The following ARHGAP22 variants were observed in gnomAD, a reference collection of about 807,000 sequenced individuals.
The protein encoded by ARHGAP22 is Rho GTPase activating protein 22.
In ARHGAP22, 48 loss-of-function variants were observed where a neutral mutation model predicts 59.1. That is an observed-to-expected ratio of 0.81 (90% CI 0.64 to 1.03). The LOEUF is 1.03. Ranked by LOEUF, ARHGAP22 falls within the 50% of genes least tolerant of loss-of-function variation. ARHGAP22 has a pLI of 0.00. For synonymous variants in ARHGAP22, 445 were observed against 416.4 expected (o/e 1.07, Z -0.84); for missense variants, 1,015 against 958.7 (o/e 1.06, Z -0.78).
intron 3 of ARHGAP22, among the ~76,000 whole-genome samples, chr10:48,527,921 C>T (rs1018300724): frequency 6.6e-6 from 1 of 152,190 alleles, no homozygotes; most frequent in Admixed American, 6.5e-5. Context: ...AGAGATAGAA[C>T]CAGGGGGTGG....
At chr10:48,502,918 T>G (rs535411533) in intron 3 of ARHGAP22, among the ~76,000 whole-genome samples, 1 of 152,188 alleles carries the variant, frequency 6.6e-6, no homozygotes, top group African/African-American at 2.4e-5. Context: ...AAGCAGTCAA[T>G]GCTAGGAAGG....
At chr10:48,454,965 G>C (rs757241600) in intron 6 of ARHGAP22, 37 bp downstream of exon 6, 2 of 1,539,312 alleles carry the variant, frequency 1.3e-6, no homozygotes, top group Admixed American at 3.8e-5. Context: ...CACCCAGCCA[G>C]CCCATCTCCC....
chr10:48,548,625 C>A (rs572364359), intron 3 of ARHGAP22, among the ~76,000 whole-genome samples: 3 of 152,228 alleles, frequency 2.0e-5, no homozygotes, highest in Non-Finnish European at 4.4e-5. Context: ...CTCCACTCCC[C>A]ACCCGCTCCT....
chr10:48,650,207 T>G (rs897082455), intron 1 of ARHGAP22, among the ~76,000 whole-genome samples: 3 of 151,372 alleles, frequency 2.0e-5, no homozygotes, highest in African/African-American at 7.3e-5. Context: ...AGTCCATTTT[T>G]AGAGTTGTCA....
At chr10:48,586,394 G>A (rs1329023455) in intron 1 of ARHGAP22, among the ~76,000 whole-genome samples, 1 of 152,188 alleles carries the variant, frequency 6.6e-6, no homozygotes, top group African/African-American at 2.4e-5. Context: ...ACTGCAGAGT[G>A]CTTAGACGTA....
chr10:48,435,239 A>ATT, the ARHGAP22 span: 11 of 439,692 alleles, frequency 2.5e-5, no homozygotes, highest in Admixed American at 1.6e-4. Flanking sequence ...ACTGTATTGT[A>ATT]TTTTTTTTGC....
At chr10:48,500,706 G>C (rs898875004) in intron 3 of ARHGAP22, among the ~76,000 whole-genome samples, 2 of 151,990 alleles carry the variant, frequency 1.3e-5, no homozygotes, top group African/African-American at 2.4e-5. Flanking sequence ...TGGCTAACAT[G>C]GTGAAAAAAC....
At chr10:48,625,776 C>T (rs1178568479) in intron 1 of ARHGAP22, among the ~76,000 whole-genome samples, 2 of 151,834 alleles carry the variant, frequency 1.3e-5, no homozygotes, top group Admixed American at 6.6e-5. Context: ...TCAGGTCAAA[C>T]TCAGAGGAGG....
At chr10:48,576,925 C>A (rs1387050001) in intron 2 of ARHGAP22, among the ~76,000 whole-genome samples, 1 of 151,298 alleles carries the variant, frequency 6.6e-6, no homozygotes, top group Admixed American at 6.6e-5. Context: ...CGCCACCCAC[C>A]GCCACCCAAC....
At chr10:48,519,741 T>C (rs532287361) in intron 3 of ARHGAP22, among the ~76,000 whole-genome samples, 4 of 152,318 alleles carry the variant, frequency 2.6e-5, no homozygotes, top group Admixed American at 6.5e-5. Context: ...CTCAGGCCCA[T>C]TTGATGGCAT....
chr10:48,529,861 C>T (rs1437576221), intron 3 of ARHGAP22, among the ~76,000 whole-genome samples: 2 of 152,020 alleles, frequency 1.3e-5, no homozygotes, highest in Non-Finnish European at 2.9e-5. Context: ...GGAAAGAACA[C>T]CCTATTCAAC....
intron 1 of ARHGAP22, among the ~76,000 whole-genome samples, chr10:48,602,786 C>G (rs929714833): frequency 6.6e-6 from 1 of 152,176 alleles, no homozygotes; most frequent in African/African-American, 2.4e-5. Context: ...CAGGAGTATA[C>G]AACTGCAACC....
chr10:48,602,143 A>C (rs2135891337), intron 1 of ARHGAP22, among the ~76,000 whole-genome samples: 1 of 152,336 alleles, frequency 6.6e-6, no homozygotes, highest in East Asian at 1.9e-4. Flanking sequence ...GTGCACAATA[A>C]ATGTTGGTTT....
upstream of ARHGAP22, among the ~76,000 whole-genome samples, chr10:48,607,767 T>C (rs2060732472): frequency 6.6e-6 from 1 of 152,246 alleles, no homozygotes; most frequent in Non-Finnish European, 1.5e-5. Context: ...GTGCTGCCCC[T>C]TTCCAGCAGT....
At chr10:48,487,717 T>C (rs1186406410) in intron 3 of ARHGAP22, among the ~76,000 whole-genome samples, 2 of 152,172 alleles carry the variant, frequency 1.3e-5, no homozygotes, top group Non-Finnish European at 2.9e-5. Context: ...GCTTCTGACC[T>C]ACAGAACCAT....
chr10:48,457,898 T>C (rs1394819253), intron 5 of ARHGAP22, among the ~76,000 whole-genome samples: 1 of 41,996 alleles, frequency 2.4e-5, no homozygotes, highest in Admixed American at 3.3e-4. Context: ...CTGTTGGAAG[T>C]GGGTGAGGAG....
chr10:48,623,358 CT>C (rs2061346343), intron 1 of ARHGAP22, among the ~76,000 whole-genome samples: 1 of 152,212 alleles, frequency 6.6e-6, no homozygotes, highest in Non-Finnish European at 1.5e-5. Flanking sequence ...GATTCTAGCT[CT>C]GTGTATTTTA....
intron 4 of ARHGAP22, among the ~76,000 whole-genome samples, chr10:48,468,893 G>T (rs1456197285): frequency 6.6e-6 from 1 of 152,114 alleles, no homozygotes; most frequent in Non-Finnish European, 1.5e-5. Context: ...GCCAGGGCAG[G>T]TTGGTGCAGG....
At chr10:48,637,186 G>T (rs1294866574) in intron 1 of ARHGAP22, among the ~76,000 whole-genome samples, 4 of 152,216 alleles carry the variant, frequency 2.6e-5, no homozygotes, top group African/African-American at 9.7e-5. Flanking sequence ...TTCTGAAGCT[G>T]CAGATGGAGA....
Sources: allele counts gnomAD v4.1 joint callset (sites outside exome capture counted in the v4.1 genomes callset), GRCh38; gene constraint gnomAD v4.1.1; transcripts MANE v1.5; gene names NCBI Gene and HGNC (gene_info 2026-07-23, HGNC 2026-07-21).